Variants in RBFOX1 observed in about 807,000 individuals in gnomAD.
The protein encoded by RBFOX1 is RNA binding protein fox-1 homolog 1.
In RBFOX1, 8 loss-of-function variants were observed where a neutral mutation model predicts 57.7. The ratio of observed to expected loss-of-function variants is 0.14; its 90% confidence interval spans 0.08 to 0.25. The LOEUF is 0.25. Ranked by LOEUF, RBFOX1 falls within the 10% of genes least tolerant of loss-of-function variation. The pLI is 1.00. For synonymous variants in RBFOX1, 326 were observed against 222.4 expected (o/e 1.47, Z -4.15); for missense variants, 611 against 548.5 (o/e 1.11, Z -1.14).
At chr16:7,221,736 G>T (rs571298948) in intron 4 of RBFOX1, among the ~76,000 whole-genome samples, 4 of 152,160 alleles carry the variant, frequency 2.6e-5, no homozygotes, top group East Asian at 3.9e-4. Context: ...CAAAATTTCA[G>T]TGTGGTTATT....
At chr16:6,754,288 G>T (rs542432309) in intron 3 of RBFOX1, among the ~76,000 whole-genome samples, 1 of 152,096 alleles carries the variant, frequency 6.6e-6, no homozygotes, top group African/African-American at 2.4e-5. Context: ...CTGACTCTCC[G>T]CCAACTCAAT....
intron 2 of RBFOX1, among the ~76,000 whole-genome samples, chr16:6,563,558 AG>A (rs1811528226): frequency 6.6e-6 from 1 of 152,194 alleles, no homozygotes; most frequent in South Asian, 2.1e-4. Flanking sequence ...GCCGATAAAA[AG>A]ATGGCTGGGT....
intron 2 of RBFOX1, among the ~76,000 whole-genome samples, chr16:5,515,739 A>C (rs1447363175): frequency 6.6e-6 from 1 of 152,146 alleles, no homozygotes; most frequent in African/African-American, 2.4e-5. Context: ...GAAGCTTTGG[A>C]AAGTATCAAG....
At chr16:6,435,685 C>A (rs1489314870) in intron 2 of RBFOX1, among the ~76,000 whole-genome samples, 1 of 152,188 alleles carries the variant, frequency 6.6e-6, no homozygotes, top group Non-Finnish European at 1.5e-5. Context: ...GGTTTGCCTT[C>A]TCTTCAGTTA....
intron 3 of RBFOX1, among the ~76,000 whole-genome samples, chr16:6,781,480 A>G (rs1267016356): frequency 6.6e-6 from 1 of 152,086 alleles, no homozygotes; most frequent in Non-Finnish European, 1.5e-5. Context: ...TTGATTTTTT[A>G]GAATAGTTTG....
chr16:6,935,067 C>A (rs981014485), intron 3 of RBFOX1, among the ~76,000 whole-genome samples: 1 of 151,268 alleles, frequency 6.6e-6, no homozygotes, highest in African/African-American at 2.4e-5. Flanking sequence ...CTCCAGCCTG[C>A]GTGACAGTGA....
intron 1 of RBFOX1, among the ~76,000 whole-genome samples, chr16:5,250,005 G>GAGGAGGAGGTTGCAGTA (rs1231234612): frequency 6.6e-6 from 1 of 151,640 alleles, no homozygotes; most frequent in Non-Finnish European, 1.5e-5. Context: ...AGGTTGCAGT[G>GAGGAGGAGGTTGCAGTA]AGGAGGAGGT....
intron 2 of RBFOX1, among the ~76,000 whole-genome samples, chr16:5,597,243 C>A (rs1025454976): frequency 1.5e-5 from 2 of 132,326 alleles, no homozygotes; most frequent in African/African-American, 5.8e-5. Flanking sequence ...TCCCACCCCC[C>A]TCCCGCTTTC....
At chr16:5,300,126 C>T (rs935088581) in intron 1 of RBFOX1, among the ~76,000 whole-genome samples, 4 of 151,560 alleles carry the variant, frequency 2.6e-5, no homozygotes, top group Non-Finnish European at 5.9e-5. Flanking sequence ...GAGTCATGAA[C>T]CAATCTTACA....
chr16:6,836,681 T>A (rs2093122953), intron 3 of RBFOX1, among the ~76,000 whole-genome samples: 1 of 152,196 alleles, frequency 6.6e-6, no homozygotes, highest in Admixed American at 6.5e-5. Flanking sequence ...ATGCCCCTAA[T>A]TTATCCTGTG....
chr16:6,540,815 T>A (rs762307625), intron 2 of RBFOX1, among the ~76,000 whole-genome samples: 6 of 152,184 alleles, frequency 3.9e-5, no homozygotes, highest in Non-Finnish European at 8.8e-5. Context: ...AGCTGTACTT[T>A]TTTTTGCTAG....
chr16:7,518,736 A>T (rs946958740), intron 5 of RBFOX1, among the ~76,000 whole-genome samples: 58 of 152,146 alleles, frequency 3.8e-4, no homozygotes, highest in African/African-American at 1.3e-3. Flanking sequence ...TTCAAGTCTT[A>T]CGGAGGCTGG....
intron 14 of RBFOX1, among the ~76,000 whole-genome samples, chr16:7,697,870 T>C (rs2079288807): frequency 6.6e-6 from 1 of 152,216 alleles, no homozygotes. Context: ...CCAAGGGCAC[T>C]GTATGATTCT....
intron 2 of RBFOX1, among the ~76,000 whole-genome samples, chr16:6,371,947 T>C (rs1000213001): frequency 6.6e-6 from 1 of 152,222 alleles, no homozygotes; most frequent in Non-Finnish European, 1.5e-5. Context: ...AGACTTCATA[T>C]TTTTTGTCAT....
At position 5,757,129 on chromosome 16, in the gene RBFOX1, C is replaced by T. The variant is rs145457916; in HGVS notation, c.319-110174C>T. On this transcript the variant is annotated intron_variant, in intron 3 of 19. Transcript: ENST00000641259. ...GTTGACTGAGACTCTGCCATCATTA[C>T]TGCATAGCTGCCAAGCTTGCCCTTG... Among the ~76,000 whole-genome samples, 244 of 152,126 alleles carry T rather than the reference C, an allele frequency of 1.6e-3. 1 individual carries two copies. Among genetic ancestry groups the T allele is most frequent in the Non-Finnish European group, 3.0e-3 (201 of 68,008 alleles).
intron 1 of RBFOX1, among the ~76,000 whole-genome samples, chr16:5,301,435 C>T (rs867817597): frequency 8.6e-5 from 13 of 151,844 alleles, no homozygotes; most frequent in Admixed American, 2.0e-4. Flanking sequence ...CTGGCTAACA[C>T]GGTGAAACCC....
intron 4 of RBFOX1, among the ~76,000 whole-genome samples, chr16:7,398,530 T>C (rs941677360): frequency 2.0e-5 from 3 of 152,248 alleles, no homozygotes; most frequent in African/African-American, 7.2e-5. Context: ...AGAACAGATC[T>C]TGCAAATTCA....
chr16:5,473,772 T>G (rs1464271426), intron 2 of RBFOX1, among the ~76,000 whole-genome samples: 2 of 124,170 alleles, frequency 1.6e-5, no homozygotes, highest in Non-Finnish European at 3.3e-5. Flanking sequence ...GAAAGGTGAG[T>G]GGGTAGATGG....
intron 4 of RBFOX1, among the ~76,000 whole-genome samples, chr16:7,314,073 T>C: frequency 6.6e-6 from 1 of 152,084 alleles, no homozygotes. Context: ...TTTTGTTTAA[T>C]GAATTGCAAC....
Sources: gnomAD v4.1 joint callset for allele counts (sites outside exome capture counted in the v4.1 genomes callset) on GRCh38, gnomAD v4.1.1 for gene constraint, MANE v1.5 for transcripts, NCBI Gene and HGNC (gene_info 2026-07-23, HGNC 2026-07-21) for gene names.